DIAPH2: variants seen among roughly 807,000 people sequenced by gnomAD.
The protein encoded by DIAPH2 is diaphanous related formin 2.
DIAPH2 carries 35 observed loss-of-function variants against 92.7 expected under a neutral mutation model. The ratio of observed to expected loss-of-function variants is 0.38; its 90% confidence interval spans 0.29 to 0.50. The LOEUF is 0.50. DIAPH2 is among the 20% of genes least tolerant of loss of function. The pLI is 0.94. For synonymous variants in DIAPH2, 301 were observed against 280.4 expected (o/e 1.07, Z -0.73); for missense variants, 701 against 819.5 (o/e 0.86, Z 1.77).
At chrX:97,371,086 CTT>C (rs898847938) in intron 24 of DIAPH2, among the ~76,000 whole-genome samples, 5 of 111,735 alleles carry the variant, frequency 4.5e-5, no homozygotes, top group African/African-American at 1.6e-4. Context: ...TTGTCCTCTT[CTT>C]TTTTGGGGAG....
chrX:96,853,624 A>G (rs1019327712), intron 4 of DIAPH2, among the ~76,000 whole-genome samples: 7 of 111,742 alleles, frequency 6.3e-5, no homozygotes, highest in Admixed American at 3.8e-4. Context: ...GTACTGCTAA[A>G]GAGATTACCC....
intron 10 of DIAPH2, among the ~76,000 whole-genome samples, chrX:96,935,525 G>A (rs1056566831): frequency 9.0e-6 from 1 of 111,091 alleles, no homozygotes; most frequent in Non-Finnish European, 1.9e-5. Flanking sequence ...TTTGCTTCAA[G>A]TTGCAGTTTC....
intron 5 of DIAPH2, among the ~76,000 whole-genome samples, chrX:96,906,108 G>A (rs1165991799): frequency 3.6e-5 from 4 of 112,427 alleles, no homozygotes; most frequent in Non-Finnish European, 7.5e-5. Flanking sequence ...CAGCCTGGGA[G>A]GCAGCGAGAC....
intron 26 of DIAPH2, among the ~76,000 whole-genome samples, chrX:97,510,195 A>G (rs1225589532): frequency 3.7e-5 from 4 of 109,363 alleles, no homozygotes; most frequent in Admixed American, 9.6e-5. Flanking sequence ...TTTAATGATC[A>G]CCATTCTAAC....
At chrX:97,012,147 G>T (rs769274932) in intron 17 of DIAPH2, among the ~76,000 whole-genome samples, 269 of 111,063 alleles carry the variant, frequency 2.4e-3, no homozygotes, top group Non-Finnish European at 4.4e-3. Flanking sequence ...TAGGGAGATA[G>T]TATTTCTCAA....
chrX:97,312,220 C>A (rs897871837), intron 23 of DIAPH2, among the ~76,000 whole-genome samples: 2 of 110,561 alleles, frequency 1.8e-5, no homozygotes, highest in Non-Finnish European at 3.8e-5. Flanking sequence ...AGGTTAAAAG[C>A]AAGATGAAGT....
intron 26 of DIAPH2, among the ~76,000 whole-genome samples, chrX:97,438,351 G>GTTCGTTTT (rs2070212537): frequency 1.9e-5 from 1 of 51,341 alleles, no homozygotes; most frequent in African/African-American, 7.8e-5. Flanking sequence ...TTTTTTTTTT[G>GTTCGTTTT]TTTGTTTGTT....
chrX:97,422,209 A>G (rs766111372), intron 25 of DIAPH2, among the ~76,000 whole-genome samples: 1 of 111,170 alleles, frequency 9.0e-6, no homozygotes, highest in East Asian at 2.8e-4. Flanking sequence ...ATTTACACAC[A>G]CACACACACA....
rs1334461463 is a variant in DIAPH2, at chrX:97,075,188, G to A, written c.2174G>A (p.Arg725His). The A allele has an allele frequency of 2.5e-6, 3 of 1,185,651 alleles. No individual in the cohort carries two copies. Among genetic ancestry groups the A allele is most frequent in the South Asian group, 1.9e-5 (1 of 53,501 alleles). Residue 725 changes from arginine (R) to histidine (H), a missense_variant, in exon 19 of 27, where the codon CGC becomes CAC. This residue lies in a region of DIAPH2 where 536 missense variants were observed against 599.3 expected (regional missense o/e 0.89). Coordinates refer to ENST00000324765, the MANE Select transcript of DIAPH2 (RefSeq NM_006729.5). ...QNLSIFLGSY[R>H]MPYEDIRNVI... ...TTAGCCATCTTTCTGGGATCATATC[G>A]CATGCCATATGAAGACATAAGAAAC...
chrX:96,962,374 TATATAC>T (rs2065861603), intron 16 of DIAPH2, among the ~76,000 whole-genome samples: 3 of 68,764 alleles, frequency 4.4e-5, no homozygotes, highest in Non-Finnish European at 7.9e-5. Flanking sequence ...TACACATATA[TATATAC>T]ACATATATAT....
At chrX:96,924,812 T>C (rs760038856) in intron 9 of DIAPH2, among the ~76,000 whole-genome samples, 1 of 110,284 alleles carries the variant, frequency 9.1e-6, no homozygotes, top group Admixed American at 9.7e-5. Flanking sequence ...TTATGAGAAC[T>C]CACTGAGTAT....
intron 23 of DIAPH2, among the ~76,000 whole-genome samples, chrX:97,311,989 G>A (rs1024408720): frequency 8.2e-5 from 9 of 110,084 alleles, no homozygotes; most frequent in Admixed American, 7.8e-4. Flanking sequence ...CACCAAGCCC[G>A]GCTAGTTTTT....
chrX:97,110,063 A>G (rs1305796118), intron 20 of DIAPH2, among the ~76,000 whole-genome samples: 8 of 112,146 alleles, frequency 7.1e-5, no homozygotes, highest in Non-Finnish European at 1.3e-4. Flanking sequence ...GTAGAAGTAA[A>G]ATATTACTGT....
intron 5 of DIAPH2, among the ~76,000 whole-genome samples, chrX:96,882,959 CAAAAAAAAAAAAA>C (rs1211958338): frequency 1.2e-4 from 4 of 32,004 alleles, no homozygotes; most frequent in Admixed American, 9.9e-4. Context: ...ACCCTGTCTC[CAAAAAAAAAAAAA>C]AAAAAAAAAA....
intron 21 of DIAPH2, among the ~76,000 whole-genome samples, chrX:97,133,664 GT>G (rs1044040901): frequency 1.8e-5 from 2 of 112,118 alleles, no homozygotes; most frequent in African/African-American, 6.5e-5. Context: ...CCGCTGCTTT[GT>G]TCCTATATAA....
At chrX:97,346,293 T>C (rs1602524390) in intron 23 of DIAPH2, among the ~76,000 whole-genome samples, 1 of 110,582 alleles carries the variant, frequency 9.0e-6, no homozygotes, top group East Asian at 2.9e-4. Flanking sequence ...GCGATTAAGG[T>C]TCTAAAGCTA....
At chrX:97,201,138 C>CCG (rs2067745484) in intron 22 of DIAPH2, among the ~76,000 whole-genome samples, 1 of 97,002 alleles carries the variant, frequency 1.0e-5, no homozygotes, top group Non-Finnish European at 2.1e-5. Context: ...AAGACCCCCC[C>CCG]CCCAAAAAAA....
rs760613154 is a variant in DIAPH2 at position 96,816,026 on chromosome X, G to C, written c.447+57768G>C. On this transcript the variant is annotated intron_variant, in intron 4 of 26. Transcript: ENST00000324765. The stretch of plus-strand genomic sequence containing the variant: ...CCCATCACCTGTCGACAACCACTTT[G>C]AGTTTTTTTTGATGAGTTTGACTAC... 5.6e-4 allele frequency among the ~76,000 whole-genome samples: 63 copies of C among 111,628 alleles called. No individual in the cohort carries two copies. In the South Asian group the frequency reaches 0.024, roughly 42 times the overall value.
chrX:96,881,656 A>T lies in DIAPH2; in HGVS notation c.525A>T (p.Ser175=), dbSNP rs1297635341. The T allele has an allele frequency of 1.7e-6, 2 of 1,208,559 alleles. No homozygotes were observed. Residue 175 remains serine, a synonymous_variant, in exon 5 of 27, where the codon TCA becomes TCT. Coordinates refer to ENST00000324765, the MANE Select transcript of DIAPH2 (RefSeq NM_006729.5). ...TTCATGAATTACGATCGGGTATATC[A>T]GATGAGAAACTTCTTAATTGCCTAG... ...EYVHELRSGI[S]DEKLLNCLES...
Sources: gnomAD v4.1 joint callset for allele counts (sites outside exome capture counted in the v4.1 genomes callset) on GRCh38, gnomAD v4.1.1 for gene constraint, gnomAD v4.1.1 regional missense constraint, MANE v1.5 for transcripts, NCBI Gene and HGNC (gene_info 2026-07-23, HGNC 2026-07-21) for gene names.